SDC2: variants seen among roughly 807,000 people sequenced by gnomAD.
The protein encoded by SDC2 is syndecan 2.
A neutral mutation model predicts 22.2 loss-of-function variants in SDC2; 13 were observed. The ratio of observed to expected loss-of-function variants is 0.59; its 90% CI spans 0.38 to 0.93. The LOEUF (loss-of-function observed/expected upper bound fraction) is 0.93, where lower values mean the gene tolerates loss of function less well. SDC2 is among the 40% of genes least tolerant of loss of function. The pLI, the probability that SDC2 is intolerant of heterozygous loss-of-function variation, is 0.00. For synonymous variants in SDC2, 94 were observed against 92.8 expected (o/e 1.01, Z -0.07); for missense variants, 235 against 246.8 (o/e 0.95, Z 0.32).
chr8:96,591,955 C>G (rs1239738870), intron 1 of SDC2, among the ~76,000 whole-genome samples: 2 of 152,140 alleles, frequency 1.3e-5, no homozygotes, highest in Admixed American at 1.3e-4. Context: ...ACACAGTTCA[C>G]AAGCTTTGGG....
At chr8:96,528,502 A>G (rs1433668505) in intron 1 of SDC2, among the ~76,000 whole-genome samples, 1 of 152,236 alleles carries the variant, frequency 6.6e-6, no homozygotes, top group Non-Finnish European at 1.5e-5. Flanking sequence ...ACTTTCTAAA[A>G]GGAAAAATGT....
intron 1 of SDC2, among the ~76,000 whole-genome samples, chr8:96,556,051 C>CAT (rs1554603166): frequency 1.5e-5 from 2 of 136,940 alleles, no homozygotes; most frequent in African/African-American, 6.6e-5. Context: ...CACACACACA[C>CAT]ACACATACAC....
At chr8:96,539,559 A>T (rs756330647) in intron 1 of SDC2, among the ~76,000 whole-genome samples, 1 of 152,242 alleles carries the variant, frequency 6.6e-6, no homozygotes, top group African/African-American at 2.4e-5. Flanking sequence ...TGAGCGTGTT[A>T]AGTATAGTAC....
Position 96,509,371 on chromosome 8 carries a change from T to G in SDC2, c.60+15040T>G, listed in dbSNP as rs1227144805. The stretch of plus-strand genomic sequence containing the variant: ...AAAGAAGACAGTGTCAATAGTCTTT[T>G]GAGGTTTTGAACATGAGGCAGAGAA... On this transcript the variant is annotated intron_variant, in intron 1 of 4. Transcript: ENST00000302190. Among the ~76,000 whole-genome samples, 3 of 142,294 alleles carry G rather than the reference T, an allele frequency of 2.1e-5. 1 individual carries two copies. The highest frequency in any genetic ancestry group is 7.5e-5 in the African/African-American group (3 of 39,838). The allele number at this position is 142,294 out of a possible 152,430, so 93.4% of individuals were successfully genotyped here.
intron 1 of SDC2, among the ~76,000 whole-genome samples, chr8:96,590,109 C>T (rs760730861): frequency 9.9e-5 from 15 of 152,218 alleles, no homozygotes; most frequent in Non-Finnish European, 1.9e-4. Flanking sequence ...TCCTCTTGGT[C>T]GTACCTTGTT....
chr8:96,556,049 C>T (rs939764305), intron 1 of SDC2, among the ~76,000 whole-genome samples: 2 of 138,544 alleles, frequency 1.4e-5, no homozygotes, highest in East Asian at 2.2e-4. Context: ...CACACACACA[C>T]ACACACATAC....
At chr8:96,567,105 C>T (rs888414931) in intron 1 of SDC2, among the ~76,000 whole-genome samples, 1 of 152,338 alleles carries the variant, frequency 6.6e-6, no homozygotes, top group South Asian at 2.1e-4. Flanking sequence ...CCACCTGCCT[C>T]GGCTTCCCAA....
chr8:96,576,374 G>GTTTGTTT (rs1554604661), intron 1 of SDC2, among the ~76,000 whole-genome samples: 3 of 40,632 alleles, frequency 7.4e-5, no homozygotes, highest in Non-Finnish European at 9.6e-5. Flanking sequence ...GTTTGTTTTT[G>GTTTGTTT]TTTTGTTTTG....
chr8:96,564,813 G>A (rs1422461600), intron 1 of SDC2, among the ~76,000 whole-genome samples: 1 of 152,056 alleles, frequency 6.6e-6, no homozygotes, highest in Non-Finnish European at 1.5e-5. Context: ...TGCCGTGCCA[G>A]TGCTTTGGGA....
At chr8:96,608,034 G>A (rs1257792517) in intron 3 of SDC2, among the ~76,000 whole-genome samples, 1 of 152,160 alleles carries the variant, frequency 6.6e-6, no homozygotes, top group Non-Finnish European at 1.5e-5. Flanking sequence ...AGAGTGGTGA[G>A]AAAGTAGAAA....
rs949053886 is a variant in SDC2 at position 96,508,976 on chromosome 8, G to T, written c.60+14645G>T. Reference sequence around the variant, plus strand: ...AGTGTCAGAATCTTCCTTTTCATTGGTTGGCCTAATCTTCCAGGTCACTGA... The same window carrying T: ...AGTGTCAGAATCTTCCTTTTCATTGTTTGGCCTAATCTTCCAGGTCACTGA... On this transcript the variant is annotated intron_variant, in intron 1 of 4. Transcript: ENST00000302190. 2.1e-5 allele frequency among the ~76,000 whole-genome samples: 3 copies of T among 142,004 alleles called. No individual in the cohort carries two copies. In the East Asian group the frequency reaches 5.9e-4, roughly 28 times the overall value. 93.2% of individuals were successfully genotyped at this position (142,004 alleles called of 152,430 possible). A position where few individuals can be genotyped will look rare whatever the true frequency, so the allele number is the denominator to read the frequency against.
chr8:96,574,710 ACTGTTG>A (rs1814457542), intron 1 of SDC2, among the ~76,000 whole-genome samples: 1 of 152,178 alleles, frequency 6.6e-6, no homozygotes, highest in South Asian at 2.1e-4. Context: ...GGCTTGTCTT[ACTGTTG>A]TTCTGTGAAA....
intron 1 of SDC2, among the ~76,000 whole-genome samples, chr8:96,580,044 C>A (rs1586311865): frequency 6.6e-6 from 1 of 152,276 alleles, no homozygotes; most frequent in Non-Finnish European, 1.5e-5. Context: ...TTAAAAAGAA[C>A]AATCTGTATT....
chr8:96,523,942 T>C lies in SDC2; in HGVS notation c.60+29611T>C, dbSNP rs73271696. Among the ~76,000 whole-genome samples the C allele has an allele frequency of 2.3e-3, 348 of 152,276 alleles. 2 individuals carry two copies. The highest frequency in any genetic ancestry group is 8.0e-3 in the African/African-American group (333 of 41,556). ...TGGTTGTTGCCACAGACACTCAGGG[T>C]GGCCACAATGGTGGTGTTGTTTTAG... On this transcript the variant is annotated intron_variant, in intron 1 of 4. Transcript: ENST00000302190.
chr8:96,517,374 T>C (rs552631564), intron 1 of SDC2, among the ~76,000 whole-genome samples: 15 of 152,360 alleles, frequency 9.8e-5, no homozygotes, highest in African/African-American at 3.6e-4. Context: ...TTGTTGCTTA[T>C]GTTTTTGGTA....
At chr8:96,536,966 C>T (rs928121954) in intron 1 of SDC2, among the ~76,000 whole-genome samples, 4 of 152,172 alleles carry the variant, frequency 2.6e-5, no homozygotes, top group African/African-American at 2.4e-5. Flanking sequence ...GAATCTTCAG[C>T]AGCTGGTCTA....
In SDC2 at chr8:96,576,368, G is replaced by GTTTTTT. The variant is rs1481198542; in HGVS notation, c.61-17107_61-17106insTTTTTT. 4.1e-3 allele frequency among the ~76,000 whole-genome samples: 68 copies of GTTTTTT among 16,568 alleles called. 3 individuals are homozygous for GTTTTTT. The highest frequency in any genetic ancestry group is 6.4e-3 in the Non-Finnish European group (22 of 3,438). The allele number at this position is 16,568 out of a possible 152,430, so 10.9% of individuals were successfully genotyped here. On this transcript the variant is annotated intron_variant, in intron 1 of 4. Transcript: ENST00000302190. ...ACATAAGTTCAATAATTGGTAGTTT[G>GTTTTTT]TTTTTGTTTTGTTTTGTTTTTTTTT...
chr8:96,526,727 G>A (rs1008802560), intron 1 of SDC2, among the ~76,000 whole-genome samples: 2 of 152,042 alleles, frequency 1.3e-5, no homozygotes. Flanking sequence ...AAGACCAAGC[G>A]TTGAAGGGTT....
intron 1 of SDC2, among the ~76,000 whole-genome samples, chr8:96,554,614 G>A (rs1391842363): frequency 6.6e-6 from 1 of 152,168 alleles, no homozygotes; most frequent in East Asian, 1.9e-4. Context: ...CTTATCATCA[G>A]TTGACAATGA....
Sources: gnomAD v4.1 joint callset for allele counts (sites outside exome capture counted in the v4.1 genomes callset) on GRCh38, gnomAD v4.1.1 for gene constraint, MANE v1.5 for transcripts, NCBI Gene and HGNC (gene_info 2026-07-23, HGNC 2026-07-21) for gene names.